The following SPIDR variants were observed in gnomAD, a reference collection of about 807,000 sequenced individuals.
SPIDR encodes the protein scaffold protein involved in DNA repair, also known as DNA repair-scaffolding protein.
Under a neutral mutation model 104.6 loss-of-function variants are expected in SPIDR, and 93 were observed. That is an observed-to-expected ratio of 0.89 (90% CI 0.75 to 1.06). The LOEUF (loss-of-function observed/expected upper bound fraction) is 1.06, where lower values mean the gene tolerates loss of function less well. Among genes scored for constraint, SPIDR ranks in the 50% least tolerant of loss-of-function variants. The pLI is 0.00. For synonymous variants in SPIDR, 431 were observed against 416.9 expected (o/e 1.03, Z -0.41); for missense variants, 1,154 against 1,111.2 (o/e 1.04, Z -0.55).
At chr8:47,589,022 GTTTTTTTTTT>G (rs1168001066) in intron 8 of SPIDR, among the ~76,000 whole-genome samples, 4 of 89,056 alleles carry the variant, frequency 4.5e-5, no homozygotes, top group Non-Finnish European at 9.3e-5. Context: ...TTTATAGTTT[GTTTTTTTTTT>G]TTTTTTTTTT....
intron 8 of SPIDR, among the ~76,000 whole-genome samples, chr8:47,552,043 A>C (rs2090582321): frequency 6.6e-6 from 1 of 152,212 alleles, no homozygotes; most frequent in Admixed American, 6.6e-5. Flanking sequence ...GTAGTCATTC[A>C]GGAGCAGGTT....
chr8:47,673,644 T>C (rs1433913432), intron 10 of SPIDR, 157 bp from the exon 11 acceptor site: 2 of 986,104 alleles, frequency 2.0e-6, no homozygotes, highest in Non-Finnish European at 3.0e-6. Context: ...GTGGATTTCT[T>C]TTTTTTTTCC....
At chr8:47,470,358 G>A (rs1376900648) in intron 8 of SPIDR, among the ~76,000 whole-genome samples, 3 of 151,882 alleles carry the variant, frequency 2.0e-5, no homozygotes, top group East Asian at 1.9e-4. Flanking sequence ...ACACGATCTC[G>A]GCTCACCGCA....
chr8:47,511,277 C>T lies in SPIDR; in HGVS notation c.1097+70735C>T, dbSNP rs555243745. 144 of 1,520,346 alleles carry T rather than the reference C, an allele frequency of 9.5e-5. 3 individuals carry two copies. In the South Asian group the frequency reaches 1.5e-3, roughly 16 times the overall value. 94.2% of individuals were successfully genotyped at this position (1,520,346 alleles called of 1,614,324 possible). ...ATGTTTGTGGTAGTCTCTGATTCGA[C>T]GATTAAGATGGAAGAGCTGGCTTTG... On this transcript the variant is annotated intron_variant, in intron 8 of 19. Transcript: ENST00000297423.
intron 14 of SPIDR, among the ~76,000 whole-genome samples, chr8:47,703,803 G>A (rs534279309): frequency 8.5e-5 from 13 of 152,234 alleles, no homozygotes; most frequent in Admixed American, 5.9e-4. Flanking sequence ...GAACTCTGAC[G>A]CAGAAAGAAA....
At chr8:47,521,084 TGTCAATA>T (rs967410891) in intron 8 of SPIDR, among the ~76,000 whole-genome samples, 59 of 152,320 alleles carry the variant, frequency 3.9e-4, no homozygotes, top group Admixed American at 1.1e-3. Flanking sequence ...CCAAGACGTC[TGTCAATA>T]GAGAGGCTCC....
intron 10 of SPIDR, among the ~76,000 whole-genome samples, chr8:47,645,961 T>G (rs1322410888): frequency 6.6e-6 from 1 of 152,190 alleles, no homozygotes. Flanking sequence ...TTTTCTTGAT[T>G]CAACATCCAT....
intron 6 of SPIDR, among the ~76,000 whole-genome samples, chr8:47,397,974 C>T (rs908056515): frequency 6.6e-6 from 1 of 152,074 alleles, no homozygotes; most frequent in Non-Finnish European, 1.5e-5. Flanking sequence ...CTTGAAGACA[C>T]CAGTGGAGGA....
intron 5 of SPIDR, among the ~76,000 whole-genome samples, chr8:47,351,464 G>A (rs1231888473): frequency 6.6e-6 from 1 of 152,218 alleles, no homozygotes; most frequent in Non-Finnish European, 1.5e-5. Flanking sequence ...GAGCTGGGAT[G>A]AAACAGGTGT....
At position 47,512,325 on chromosome 8, in the gene SPIDR, A is replaced by G. The variant is rs563098434; in HGVS notation, c.1097+71783A>G. Among the ~76,000 whole-genome samples, 20 of 152,258 alleles carry G rather than the reference A, an allele frequency of 1.3e-4. No individual in the cohort carries two copies. In the South Asian group the frequency reaches 3.1e-3, roughly 24 times the overall value. Reference sequence around the variant, plus strand: ...TTGTGTTGTTCGTCTCACCCTGTCTACACACTGTTGCCTATGGTGATTGGT... The same window carrying G: ...TTGTGTTGTTCGTCTCACCCTGTCTGCACACTGTTGCCTATGGTGATTGGT... On this transcript the variant is annotated intron_variant, in intron 8 of 19. Coordinates refer to ENST00000297423, the MANE Select transcript of SPIDR (RefSeq NM_001080394.4).
At chr8:47,479,638 C>G (rs561306054) in intron 8 of SPIDR, among the ~76,000 whole-genome samples, 6 of 152,158 alleles carry the variant, frequency 3.9e-5, no homozygotes, top group Admixed American at 6.5e-5. Context: ...GGTGGTAAAG[C>G]AGCCATGAGC....
At chr8:47,517,409 A>C (rs1321965317) in intron 8 of SPIDR, among the ~76,000 whole-genome samples, 1 of 151,822 alleles carries the variant, frequency 6.6e-6, no homozygotes, top group Non-Finnish European at 1.5e-5. Context: ...TCTAATACCA[A>C]CCCTCCCCAT....
chr8:47,290,197 A>G (rs1200731716), intron 3 of SPIDR, among the ~76,000 whole-genome samples: 1 of 152,044 alleles, frequency 6.6e-6, no homozygotes, highest in Admixed American at 6.5e-5. Flanking sequence ...ACCCGCAACC[A>G]CGCCTGGCTA....
chr8:47,327,391 C>CTTTT (rs375122007), intron 5 of SPIDR, among the ~76,000 whole-genome samples: 1 of 132,612 alleles, frequency 7.5e-6, no homozygotes, highest in Non-Finnish European at 1.6e-5. Context: ...GGTTTTTTCA[C>CTTTT]TTTTTTTTTT....
chr8:47,538,834 T>G (rs2087470379), intron 8 of SPIDR, among the ~76,000 whole-genome samples: 1 of 151,512 alleles, frequency 6.6e-6, no homozygotes, highest in Non-Finnish European at 1.5e-5. Flanking sequence ...GGATATTTGT[T>G]TTGGTTTTGC....
chr8:47,289,151 C>T (rs986614764), intron 3 of SPIDR, among the ~76,000 whole-genome samples: 4 of 152,228 alleles, frequency 2.6e-5, no homozygotes, highest in African/African-American at 9.6e-5. Flanking sequence ...GCTGGGACTA[C>T]AGGCATGTAC....
chr8:47,407,203 C>T (rs1286642432), intron 6 of SPIDR, among the ~76,000 whole-genome samples: 1 of 152,218 alleles, frequency 6.6e-6, no homozygotes, highest in Admixed American at 6.5e-5. Flanking sequence ...GCCTGCATGT[C>T]TGTCGTTATA....
At chr8:47,546,287 G>C (rs1480012043) in intron 8 of SPIDR, among the ~76,000 whole-genome samples, 1 of 152,136 alleles carries the variant, frequency 6.6e-6, no homozygotes, top group East Asian at 1.9e-4. Flanking sequence ...TTACTTAGTA[G>C]TCATAGGGCT....
chr8:47,639,512 A>C (rs1441020590), intron 10 of SPIDR, among the ~76,000 whole-genome samples: 2 of 152,208 alleles, frequency 1.3e-5, no homozygotes, highest in Non-Finnish European at 2.9e-5. Flanking sequence ...TTGTTGATTT[A>C]TCTAGGGAAG....
Sources: allele counts gnomAD v4.1 joint callset (sites outside exome capture counted in the v4.1 genomes callset), GRCh38; gene constraint gnomAD v4.1.1; transcripts MANE v1.5; gene names NCBI Gene and HGNC (gene_info 2026-07-23, HGNC 2026-07-21).